The following RNF212B variants were observed in gnomAD, a reference collection of about 807,000 sequenced individuals.
RNF212B encodes E3 ubiquitin-protein ligase RNF212B.
A neutral mutation model predicts 55.5 loss-of-function variants in RNF212B; 52 were observed. That is an observed-to-expected ratio of 0.94 (90% CI 0.75 to 1.18). The LOEUF (loss-of-function observed/expected upper bound fraction) is 1.18, where lower values mean the gene tolerates loss of function less well. Ranked by LOEUF, RNF212B falls within the 50% of genes most tolerant of loss-of-function variation. The pLI, the probability that RNF212B is intolerant of heterozygous loss-of-function variation, is 0.00. For missense variants in RNF212B, 289 were observed against 350.4 expected (o/e 0.82, Z 1.40); for synonymous variants, 99 against 121.4 (o/e 0.82, Z 1.21).
At chr14:23,271,160 C>T (rs1018399959) in intron 14 of RNF212B, among the ~76,000 whole-genome samples, 4 of 152,014 alleles carry the variant, frequency 2.6e-5, no homozygotes, top group African/African-American at 4.8e-5. Context: ...GAAAAGTCAC[C>T]GGGGGCGGTG....
intron 2 of RNF212B, among the ~76,000 whole-genome samples, chr14:23,198,982 T>C (rs527946903): frequency 3.1e-4 from 47 of 152,284 alleles, no homozygotes; most frequent in African/African-American, 1.1e-3. Context: ...AAATATTACC[T>C]AGTGCTATAC....
chr14:23,214,152 T>C (rs1223742899), intron 2 of RNF212B, among the ~76,000 whole-genome samples: 1 of 152,114 alleles, frequency 6.6e-6, no homozygotes, highest in Non-Finnish European at 1.5e-5. Flanking sequence ...AAAACACTTA[T>C]AAAATTTTTT....
chr14:23,234,498 T>C (rs1333516494), upstream of RNF212B, among the ~76,000 whole-genome samples: 1 of 152,188 alleles, frequency 6.6e-6, no homozygotes, highest in African/African-American at 2.4e-5. Flanking sequence ...TGGTAAACAG[T>C]ATGAGAAACA....
chr14:23,201,900 A>G (rs747967515), intron 2 of RNF212B, among the ~76,000 whole-genome samples: 2 of 152,204 alleles, frequency 1.3e-5, no homozygotes, highest in African/African-American at 2.4e-5. Context: ...TATAAAGTTT[A>G]TTCTTGAGTA....
intron 2 of RNF212B, among the ~76,000 whole-genome samples, chr14:23,222,881 C>T (rs1244535715): frequency 2.0e-5 from 3 of 151,666 alleles, no homozygotes; most frequent in East Asian, 1.9e-4. Context: ...GGTGAACCCC[C>T]GTTTCTACTA....
At chr14:23,243,003 A>C (rs1751119080) in intron 2 of RNF212B, among the ~76,000 whole-genome samples, 1 of 151,746 alleles carries the variant, frequency 6.6e-6, no homozygotes, top group South Asian at 2.1e-4. Context: ...ATAAAATTTA[A>C]AAAGATAGGG....
rs566206365 is a variant in RNF212B, at chr14:23,273,015, T to C, written c.*124T>C. ...TGTTTCCTAGTTTCACTCTGTACCTTATGCTCCCCCCATCTTTACCCTATT... is the reference window on the plus strand; with the variant it reads ...TGTTTCCTAGTTTCACTCTGTACCTCATGCTCCCCCCATCTTTACCCTATT... On this transcript the variant is annotated 3_prime_UTR_variant, in exon 15 of 15. Transcript: ENST00000430154. The C allele has an allele frequency of 1.4e-4, 83 of 583,906 alleles. No individual in the cohort carries two copies. The African/African-American group carries it at 1.6e-3, about 11-fold the overall frequency. 36.2% of individuals were successfully genotyped at this position (583,906 alleles called of 1,614,324 possible). A position where few individuals can be genotyped will look rare whatever the true frequency, so the allele number is the denominator to read the frequency against.
At chr14:23,241,221 C>G (rs961324909) in intron 2 of RNF212B, among the ~76,000 whole-genome samples, 4 of 152,182 alleles carry the variant, frequency 2.6e-5, no homozygotes, top group African/African-American at 7.2e-5. Context: ...TTTAAGAGAA[C>G]AGCATGTACA....
intron 1 of RNF212B, among the ~76,000 whole-genome samples, chr14:23,238,585 A>C (rs994935323): frequency 6.6e-6 from 1 of 151,582 alleles, no homozygotes; most frequent in African/African-American, 2.4e-5. Context: ...AATAAAAATA[A>C]AAAATAGCCA....
chr14:23,196,451 A>T (rs2140361880), intron 2 of RNF212B, among the ~76,000 whole-genome samples: 1 of 152,118 alleles, frequency 6.6e-6, no homozygotes, highest in South Asian at 2.1e-4. Context: ...ACAAAAACAA[A>T]AACATAGAAA....
intron 2 of RNF212B, among the ~76,000 whole-genome samples, chr14:23,203,630 C>T (rs1350563685): frequency 6.6e-6 from 1 of 151,960 alleles, no homozygotes; most frequent in Non-Finnish European, 1.5e-5. Context: ...AAGTGTGTGC[C>T]ACCACACCTG....
Position 23,245,905 on chromosome 14 carries a change from G to A in RNF212B, c.228+1509G>A, listed in dbSNP as rs9652343. Reference sequence around the variant, plus strand: ...TAATAGTCCTTAATAAGTAGTGGACGCTCAAGACGTTGTCATTGAATGAAT... The same window carrying A: ...TAATAGTCCTTAATAAGTAGTGGACACTCAAGACGTTGTCATTGAATGAAT... On this transcript the variant is annotated intron_variant, in intron 4 of 14. Coordinates refer to ENST00000430154, the MANE Select transcript of RNF212B (RefSeq NM_001282322.3). 5.8e-3 allele frequency among the ~76,000 whole-genome samples: 878 copies of A among 152,260 alleles called. 9 individuals are homozygous for A. Among genetic ancestry groups the A allele is most frequent in the African/African-American group, 0.02 (828 of 41,544 alleles).
At chr14:23,261,730 G>A (rs2140474624) in intron 7 of RNF212B, among the ~76,000 whole-genome samples, 1 of 152,336 alleles carries the variant, frequency 6.6e-6, no homozygotes, top group South Asian at 2.1e-4. Flanking sequence ...GGGAGGCCAA[G>A]GTGGGCGGAT....
chr14:23,221,141 CT>C (rs1881534236), intron 2 of RNF212B, among the ~76,000 whole-genome samples: 1 of 151,270 alleles, frequency 6.6e-6, no homozygotes, highest in Non-Finnish European at 1.5e-5. Context: ...AATCCCAGCA[CT>C]TTGGGAGGCT....
intron 2 of RNF212B, among the ~76,000 whole-genome samples, chr14:23,199,352 T>A (rs1197904339): frequency 2.0e-5 from 3 of 152,096 alleles, no homozygotes; most frequent in Non-Finnish European, 4.4e-5. Context: ...TACATTCTTT[T>A]GAGATTCTGT....
chr14:23,258,858 T>G (rs1266360312), intron 5 of RNF212B, among the ~76,000 whole-genome samples, 194 bp downstream of exon 5: 1 of 151,854 alleles, frequency 6.6e-6, no homozygotes, highest in African/African-American at 2.4e-5. Context: ...CCTCCTCACT[T>G]TATAGTTTTC....
intron 2 of RNF212B, among the ~76,000 whole-genome samples, chr14:23,207,821 A>G (rs111836469): frequency 1.1e-3 from 160 of 152,298 alleles, no homozygotes; most frequent in Non-Finnish European, 2.0e-3. Context: ...GCTTAGTTTT[A>G]TACATTTTAG....
upstream of RNF212B, among the ~76,000 whole-genome samples, chr14:23,233,339 C>T (rs189153634): frequency 1.9e-3 from 284 of 152,010 alleles, no homozygotes; most frequent in Admixed American, 3.3e-3. Context: ...GCTGACCTTC[C>T]CTCCACTATT....
At chr14:23,217,184 G>A (rs1424466589) in intron 2 of RNF212B, among the ~76,000 whole-genome samples, 1 of 150,958 alleles carries the variant, frequency 6.6e-6, no homozygotes, top group African/African-American at 2.5e-5. Context: ...AGAAGCTCCT[G>A]GGTTTTAAGT....
Sources: allele counts gnomAD v4.1 joint callset (sites outside exome capture counted in the v4.1 genomes callset), GRCh38; gene constraint gnomAD v4.1.1; transcripts MANE v1.5; gene names NCBI Gene and HGNC (gene_info 2026-07-23, HGNC 2026-07-21).